OPHN1: variants seen among roughly 807,000 people sequenced by gnomAD.
OPHN1 encodes oligophrenin 1, also known as oligophrenin-1.
A neutral mutation model predicts 60.7 loss-of-function variants in OPHN1; 11 were observed. That is an observed-to-expected ratio of 0.18 (90% CI 0.11 to 0.30). The LOEUF (loss-of-function observed/expected upper bound fraction) is 0.30. Among genes scored for constraint, OPHN1 ranks in the 10% least tolerant of loss-of-function variants. The pLI is 1.00. For synonymous variants in OPHN1, 226 were observed against 222.6 expected, an observed-to-expected ratio of 1.02 and a Z score of -0.14; for missense variants, 449 against 611.0, an observed-to-expected ratio of 0.73 and a Z score of 2.80.
At chrX:68,377,965 C>G (rs923890142) in intron 2 of OPHN1, among the ~76,000 whole-genome samples, 2 of 111,892 alleles carry the variant, frequency 1.8e-5, no homozygotes, top group Non-Finnish European at 3.8e-5. Context: ...ATGGCTGGGT[C>G]AAATGGTATT....
intron 15 of OPHN1, among the ~76,000 whole-genome samples, chrX:68,150,836 T>A (rs1449881077): frequency 8.9e-6 from 1 of 112,070 alleles, no homozygotes; most frequent in South Asian, 3.7e-4. Flanking sequence ...AGTAATAGAA[T>A]TTTGTGATTA....
At chrX:68,115,852 A>C (rs1263455045) in intron 16 of OPHN1, among the ~76,000 whole-genome samples, 1 of 112,050 alleles carries the variant, frequency 8.9e-6, no homozygotes, top group Non-Finnish European at 1.9e-5. Flanking sequence ...AGCCCTCAGG[A>C]GGTCCTGAGA....
At chrX:68,337,887 T>C (rs1036491866) in intron 2 of OPHN1, among the ~76,000 whole-genome samples, 3 of 110,148 alleles carry the variant, frequency 2.7e-5, no homozygotes, top group Non-Finnish European at 5.7e-5. Context: ...ATTATAAACA[T>C]GTATGCACAT....
In OPHN1 at chrX:68,404,549, T is replaced by C. The variant is rs929493177; in HGVS notation, c.154+28318A>G. 4.5e-5 allele frequency among the ~76,000 whole-genome samples: 5 copies of C among 111,550 alleles called. No individual in the cohort carries two copies. In the South Asian group the frequency reaches 1.9e-3, roughly 42 times the overall value. On this transcript the variant is annotated intron_variant, in intron 2 of 24. Coordinates refer to ENST00000355520, the MANE Select transcript of OPHN1 (RefSeq NM_002547.3). ...TCAAAGCAGGATCTCAAAGGTGTAT[T>C]TGCACACTTATGTACTCTGCAGGAT...
intron 15 of OPHN1, among the ~76,000 whole-genome samples, chrX:68,180,596 G>C (rs1485801651): frequency 9.0e-6 from 1 of 111,590 alleles, no homozygotes; most frequent in East Asian, 2.8e-4. Flanking sequence ...AAATTACTTA[G>C]ACTGAAACTA....
chrX:68,165,402 C>T (rs1479284101), intron 15 of OPHN1, among the ~76,000 whole-genome samples: 1 of 20,815 alleles, frequency 4.8e-5, no homozygotes, highest in Non-Finnish European at 8.8e-5. Context: ...GTTGCCATAA[C>T]TGCAATATTG....
chrX:68,162,059 C>A (rs12389669), intron 15 of OPHN1, among the ~76,000 whole-genome samples: 24,151 of 110,281 alleles, frequency 0.22, 3,060 homozygotes, highest in African/African-American at 0.48. Flanking sequence ...GTGTACTCAG[C>A]TGAACCATAT....
rs955428556 is a variant in OPHN1, at chrX:68,432,925, G to C, written c.96C>G (p.Thr32=). The C allele has an allele frequency of 8.3e-7, 1 of 1,210,274 alleles. No homozygotes were observed. The highest frequency in any genetic ancestry group is 1.1e-6 in the Non-Finnish European group (1 of 895,055). ...TGATTACGTCTTTGATGAATTTGTTGGTCCTCTCCAGTTCCTGCTCATAAC... is the reference window on the plus strand; with the variant it reads ...TGATTACGTCTTTGATGAATTTGTTCGTCCTCTCCAGTTCCTGCTCATAAC... ...LKCYEQELER[T]NKFIKDVIKD... The change falls in exon 2 of 25, where the codon ACC becomes ACG. Residue 32 remains threonine, a synonymous_variant. Transcript: ENST00000355520.
At chrX:68,171,935 T>C (rs2077393575) in intron 15 of OPHN1, among the ~76,000 whole-genome samples, 1 of 110,894 alleles carries the variant, frequency 9.0e-6, no homozygotes, top group Non-Finnish European at 1.9e-5. Context: ...CCCTCGTAAA[T>C]AGCTATAATA....
At chrX:68,391,302 C>A (rs1475389441) in intron 2 of OPHN1, among the ~76,000 whole-genome samples, 1 of 111,710 alleles carries the variant, frequency 9.0e-6, no homozygotes. Context: ...TGAGTCTGGG[C>A]AGTTGCACTA....
Position 68,053,599 on chromosome X carries a change from G to A in OPHN1, c.2324+46C>T, listed in dbSNP as rs1236721807. The A allele has an allele frequency of 2.6e-6, 3 of 1,166,257 alleles. No individual in the cohort carries two copies. The South Asian group carries it at 5.4e-5, about 21-fold the overall frequency. On this transcript the variant is annotated intron_variant, in intron 22 of 24. Transcript: ENST00000355520. ...GGTGATCCTGAAAGCATTCCTAGTG[G>A]CCTAGTACAGGACTTCAGTCAACTT...
chrX:68,251,180 GT>G (rs1161101532), intron 5 of OPHN1, among the ~76,000 whole-genome samples: 715 of 45,727 alleles, frequency 0.016, 3 homozygotes, highest in African/African-American at 0.049. Context: ...CTCCTCAAAT[GT>G]TTTTTTTTTT....
chrX:68,069,892 A>G (rs2076926699), intron 20 of OPHN1, among the ~76,000 whole-genome samples: 1 of 111,459 alleles, frequency 9.0e-6, no homozygotes, highest in Admixed American at 9.6e-5. Context: ...AAGGACCTGC[A>G]AGAACAATGA....
At chrX:68,258,256 A>T (rs749339127) in intron 5 of OPHN1, among the ~76,000 whole-genome samples, 32 of 109,809 alleles carry the variant, frequency 2.9e-4, no homozygotes, top group African/African-American at 7.6e-4. Flanking sequence ...TTATTTATTT[A>T]TTTTTTTATT....
At chrX:68,134,261 G>C (rs1028310346) in intron 15 of OPHN1, among the ~76,000 whole-genome samples, 2 of 111,611 alleles carry the variant, frequency 1.8e-5, no homozygotes, top group Admixed American at 1.9e-4. Context: ...GACCATATAA[G>C]TTGCAACAGT....
intron 18 of OPHN1, among the ~76,000 whole-genome samples, chrX:68,102,510 G>C (rs1465050514): frequency 9.0e-6 from 1 of 110,698 alleles, no homozygotes; most frequent in African/African-American, 3.3e-5. Context: ...CAGAACACAA[G>C]AAATAACTAA....
In OPHN1 at chrX:68,315,736, C is replaced by CA. The variant is rs1262196153; in HGVS notation, c.155-16641dup. 4.1e-4 allele frequency among the ~76,000 whole-genome samples: 45 copies of CA among 109,265 alleles called. 1 individual carries two copies. Among genetic ancestry groups the CA allele is most frequent in the Admixed American group, 3.1e-3 (32 of 10,226 alleles). The allele number at this position is 109,265 out of a possible 115,157, so 94.9% of individuals were successfully genotyped here. A position where few individuals can be genotyped will look rare whatever the true frequency, so the allele number is the denominator to read the frequency against. On this transcript the variant is annotated intron_variant, in intron 2 of 24. Transcript: ENST00000355520. ...GAAGTTACAGGACACAAAACCAACACAAAAAAAACAGTTGCATTTCTATAC... is the reference window on the plus strand; with the variant it reads ...GAAGTTACAGGACACAAAACCAACACAAAAAAAAACAGTTGCATTTCTATAC...
intron 15 of OPHN1, among the ~76,000 whole-genome samples, chrX:68,168,203 T>C (rs1335451515): frequency 1.3e-4 from 14 of 110,722 alleles, no homozygotes; most frequent in Non-Finnish European, 9.4e-5. Flanking sequence ...AATATACATT[T>C]TTTTCAGCAC....
intron 15 of OPHN1, among the ~76,000 whole-genome samples, chrX:68,182,188 GTTTTTTTTTT>G (rs397951860): frequency 6.5e-5 from 3 of 46,133 alleles, no homozygotes; most frequent in Non-Finnish European, 1.1e-4. Context: ...AAGCTCTGTA[GTTTTTTTTTT>G]TTTTTTTTTT....
Sources: gnomAD v4.1 joint callset for allele counts (sites outside exome capture counted in the v4.1 genomes callset) on GRCh38, gnomAD v4.1.1 for gene constraint, MANE v1.5 for transcripts, NCBI Gene and HGNC (gene_info 2026-07-23, HGNC 2026-07-21) for gene names.